GREP1: variants seen among roughly 807,000 people sequenced by gnomAD.
The protein encoded by GREP1 is glycine-rich extracellular protein 1.
intron 10 of GREP1, chr16:2,993,296 G>A (rs148424417): frequency 5.4e-5 from 11 of 203,680 alleles, no homozygotes; most frequent in Non-Finnish European, 8.8e-5. Context: ...GAGAGCAGGC[G>A]AGCCCCAATC....
At chr16:2,994,098 T>C (rs1381364056) in intron 10 of GREP1, 2 of 152,376 alleles carry the variant, frequency 1.3e-5, no homozygotes, top group Admixed American at 6.5e-5. Context: ...GCCCCAGAGC[T>C]GGGCTCTGGG....
intron 32 of GREP1, 49 bp from the exon 27 acceptor site, chr16:3,000,665 T>G: frequency 2.5e-6 from 1 of 398,510 alleles, no homozygotes; most frequent in Non-Finnish European, 4.4e-6. Context: ...GGGCCAGGGG[T>G]CCCAGCTCCT....
chr16:3,000,056 ATC>A (rs965212502), intron 28 of GREP1, 28 bp from the exon 26 acceptor site: 1 of 398,660 alleles, frequency 2.5e-6, no homozygotes, highest in Non-Finnish European at 4.4e-6. Context: ...GCTGACCCCC[ATC>A]TCTGAGTCAC....
At chr16:3,000,359 C>T in intron 30 of GREP1, 1 of 399,222 alleles carries the variant, frequency 2.5e-6, no homozygotes, top group East Asian at 3.6e-5. Context: ...AGCCAGGTGC[C>T]TGGGGAGCAG....
intron 26 of GREP1, 57 bp downstream of exon 24, chr16:2,999,036 G>C (rs762234863): frequency 2.5e-6 from 1 of 399,104 alleles, no homozygotes; most frequent in East Asian, 3.6e-5. Flanking sequence ...CCCTATGAGG[G>C]TCAGGGCCTG....
Position 2,991,384 on chromosome 16 carries a change from G to A in GREP1, c.322+283G>A, listed in dbSNP as rs1038407736. ...CTCACCAATGTCTCCCCAGGATTGG[G>A]GAGCAGAAGTGGTTTGGGCGCTGGC... On this transcript the variant is annotated intron_variant, in intron 8 of 34. Coordinates refer to ENST00000573315, the Ensembl canonical transcript of GREP1. This position sits in a 1 kb window ranked among gnomAD's most constrained non-coding sequence, Gnocchi z 4.9. 2 of 341,598 alleles carry A rather than the reference G, an allele frequency of 5.9e-6. No homozygotes were observed. Among genetic ancestry groups the A allele is most frequent in the African/African-American group, 2.1e-5 (1 of 47,348 alleles). The allele number at this position is 341,598 out of a possible 1,614,324, so 21.2% of individuals were successfully genotyped here.
Position 2,991,199 on chromosome 16 carries a change from C to T in GREP1, c.322+98C>T. ...CACCAGGAGCTGGGAGAGCTGGGCT[C>T]TGGAGGGAGGGCAGGGCTCAGCCAC... On this transcript the variant is annotated intron_variant, in intron 8 of 34. Coordinates refer to ENST00000573315, the Ensembl canonical transcript of GREP1. This position sits in a 1 kb window ranked among gnomAD's most constrained non-coding sequence, Gnocchi z 4.9. 2.5e-6 allele frequency: 1 copy of T among 398,718 alleles called. No individual in the cohort carries two copies. The highest frequency in any genetic ancestry group is 6.3e-4 in the Middle Eastern group (1 of 1,588). 24.7% of individuals were successfully genotyped at this position (398,718 alleles called of 1,614,324 possible). A position where few individuals can be genotyped will look rare whatever the true frequency, so the allele number is the denominator to read the frequency against.
intron 10 of GREP1, chr16:2,993,204 G>C (rs1596461746): frequency 5.8e-6 from 2 of 343,458 alleles, no homozygotes; most frequent in African/African-American, 4.2e-5. Flanking sequence ...CCCTGGTCCT[G>C]AGCAGAGAGG....
rs2072398217 is a variant in GREP1, at chr16:2,991,319, T to G, written c.322+218T>G. 2.6e-6 allele frequency: 1 copy of G among 386,584 alleles called. No homozygotes were observed. The highest frequency in any genetic ancestry group is 1.5e-4 in the South Asian group (1 of 6,892). The allele number at this position is 386,584 out of a possible 1,614,324, so 23.9% of individuals were successfully genotyped here. A position where few individuals can be genotyped will look rare whatever the true frequency, so the allele number is the denominator to read the frequency against. On this transcript the variant is annotated intron_variant, in intron 8 of 34. Transcript: ENST00000573315. This position sits in a 1 kb window ranked among gnomAD's most constrained non-coding sequence, Gnocchi z 4.9. ...CCTTGCCCACTTATATCCAGGCGCC[T>G]CTGGGTCCCTCAAGCCTGCCCACCC...
In GREP1 at chr16:2,992,172, G is replaced by A. The variant is rs1464865550; in HGVS notation, c.323-633G>A. On this transcript the variant is annotated intron_variant, in intron 8 of 34. Transcript: ENST00000573315. The surrounding 1 kb of genome is among the most constrained non-coding windows in gnomAD (Gnocchi z 4.9). ...TTCCTAGGAGCTGGAGCCCAGCCAGGTGAGGGCAGCTGGACCACACTGGGA... is the reference window on the plus strand; with the variant it reads ...TTCCTAGGAGCTGGAGCCCAGCCAGATGAGGGCAGCTGGACCACACTGGGA... 2 of 152,498 alleles carry A rather than the reference G, an allele frequency of 1.3e-5. No homozygotes were observed. Among genetic ancestry groups the A allele is most frequent in the East Asian group, 3.8e-4 (2 of 5,206 alleles). The allele number at this position is 152,498 out of a possible 1,614,324, so 9.4% of individuals were successfully genotyped here.
Position 2,990,678 on chromosome 16 carries a change from C to T in GREP1, c.268+91C>T, listed in dbSNP as rs569427346. The T allele has an allele frequency of 6.3e-5, 25 of 398,138 alleles. No homozygotes were observed. The South Asian group carries it at 2.7e-3, about 44-fold the overall frequency. The allele number at this position is 398,138 out of a possible 1,614,324, so 24.7% of individuals were successfully genotyped here. A position where few individuals can be genotyped will look rare whatever the true frequency, so the allele number is the denominator to read the frequency against. ...TGTGGGGGAGGGAATGCAGCCAGAT[C>T]GGTGTTTCCAGGGTCTTCTCCAGGC... On this transcript the variant is annotated intron_variant, in intron 7 of 34. Transcript: ENST00000573315.
chr16:2,994,283 G>A (rs892426163), intron 10 of GREP1: 77 of 153,708 alleles, frequency 5.0e-4, no homozygotes, highest in Non-Finnish European at 8.8e-4. Flanking sequence ...CTAGGCGGGC[G>A]GATCACTTGA....
Position 2,991,343 on chromosome 16 carries a change from C to T in GREP1, c.322+242C>T. 2.6e-6 allele frequency: 1 copy of T among 380,270 alleles called. No homozygotes were observed. The highest frequency in any genetic ancestry group is 4.6e-6 in the Non-Finnish European group (1 of 215,156). 23.6% of individuals were successfully genotyped at this position (380,270 alleles called of 1,614,324 possible). On this transcript the variant is annotated intron_variant, in intron 8 of 34. Transcript: ENST00000573315. This position sits in a 1 kb window ranked among gnomAD's most constrained non-coding sequence, Gnocchi z 4.9. ...CTCTGGGTCCCTCAAGCCTGCCCAC[C>T]CCACCGCTCATGGCCCTCACCAATG... is the stretch of plus-strand genomic sequence containing the variant.
At chr16:2,997,017 C>T in exon 21 of GREP1, 2 of 399,142 alleles carry the variant, frequency 5.0e-6, no homozygotes, top group Non-Finnish European at 8.8e-6. Flanking sequence ...GAGCGGAGGC[C>T]TTGGGTCCCT....
chr16:3,001,980 A>C (rs1287985990), exon 35 of GREP1: 7 of 212,330 alleles, frequency 3.3e-5, no homozygotes, highest in African/African-American at 1.6e-4. Context: ...GTTTTCATTT[A>C]TAATCGATTT....
Position 2,994,921 on chromosome 16 carries a change from C to T in GREP1, c.449-6C>T, listed in dbSNP as rs775468501. 4.0e-5 allele frequency: 16 copies of T among 399,112 alleles called. No homozygotes were observed. Among genetic ancestry groups the T allele is most frequent in the Non-Finnish European group, 5.7e-5 (13 of 226,212 alleles). 24.7% of individuals were successfully genotyped at this position (399,112 alleles called of 1,614,324 possible). A position where few individuals can be genotyped will look rare whatever the true frequency, so the allele number is the denominator to read the frequency against. On this transcript the variant is annotated splice_polypyrimidine_tract_variant and splice_region_variant and intron_variant, in intron 12 of 34. Transcript: ENST00000573315. ...ATTCATACCCCGCCTTGATCTATTCCCCCAGGATTCCAGTACAGAATTGGG... is the reference window on the plus strand; with the variant it reads ...ATTCATACCCCGCCTTGATCTATTCTCCCAGGATTCCAGTACAGAATTGGG...
In GREP1 at chr16:2,996,928, C is replaced by T. The variant is rs1176000788; in HGVS notation, c.746-17C>T. On this transcript the variant is annotated splice_polypyrimidine_tract_variant and intron_variant, in intron 20 of 34. Coordinates refer to ENST00000573315, the Ensembl canonical transcript of GREP1. Reference sequence around the variant, plus strand: ...CCAGTGGCTCAGCCTTACCACGTTCCCTTTTTTGCCCCACAGGCCTGGGAG... The same window carrying T: ...CCAGTGGCTCAGCCTTACCACGTTCTCTTTTTTGCCCCACAGGCCTGGGAG... The T allele has an allele frequency of 7.5e-6, 3 of 399,134 alleles. No homozygotes were observed. The East Asian group carries it at 1.1e-4, about 14-fold the overall frequency. The allele number at this position is 399,134 out of a possible 1,614,324, so 24.7% of individuals were successfully genotyped here.
At chr16:3,001,379 C>T (rs1263892085) in intron 34 of GREP1, 45 bp downstream of exon 28, 4 of 399,102 alleles carry the variant, frequency 1.0e-5, no homozygotes, top group Non-Finnish European at 1.8e-5. Flanking sequence ...CAAAGGCCCC[C>T]CGTGGTCACC....
At chr16:2,995,868 A>G (rs993883463) in exon 18 of GREP1, 2 of 398,080 alleles carry the variant, frequency 5.0e-6, no homozygotes, top group East Asian at 7.1e-5. Flanking sequence ...ATATGGGAAA[A>G]GGCTGAGAGC....
Sources: gnomAD v4.1 joint callset for allele counts on GRCh38, gnomAD v4.1.1 for gene constraint, Gnocchi (gnomAD v3.1) non-coding constraint, MANE v1.5 for transcripts, NCBI Gene and HGNC (gene_info 2026-07-23, HGNC 2026-07-21) for gene names.